Variants in ACBD7 observed in about 807,000 individuals in gnomAD.
The protein encoded by ACBD7 is acyl-CoA binding domain containing 7, also known as acyl-CoA-binding domain-containing protein 7.
A neutral mutation model predicts 13.7 loss-of-function variants in ACBD7; 11 were observed. The ratio of observed to expected loss-of-function variants is 0.80; its 90% CI spans 0.50 to 1.33. ACBD7 has a LOEUF of 1.33. Ranked by LOEUF, ACBD7 falls within the 40% of genes most tolerant of loss-of-function variation. The pLI is 0.00. For missense variants in ACBD7, 111 were observed against 103.0 expected, an observed-to-expected ratio of 1.08 and a Z score of -0.33; for synonymous variants, 43 against 37.7, an observed-to-expected ratio of 1.14 and a Z score of -0.51.
chr10:15,081,052 G>C (rs1273189965), intron 1 of ACBD7, among the ~76,000 whole-genome samples: 5 of 152,174 alleles, frequency 3.3e-5, no homozygotes, highest in Admixed American at 3.3e-4. Context: ...CGGGCTCAGC[G>C]GAGTGGCAGG....
chr10:15,076,009 G>T lies in ACBD7; in HGVS notation c.*2521C>A. On this transcript the variant is annotated 3_prime_UTR_variant, in exon 4 of 4. Coordinates refer to ENST00000356189, the MANE Select transcript of ACBD7 (RefSeq NM_001039844.3). ...AAAAAAAAAAAAAAGAAAAGAAAAAGAATGTTATATAAATGGAATTATACA... is the reference window on the plus strand; with the variant it reads ...AAAAAAAAAAAAAAGAAAAGAAAAATAATGTTATATAAATGGAATTATACA... 8.7e-3 allele frequency: 3,247 copies of T among 372,036 alleles called. No homozygotes were observed. Among genetic ancestry groups the T allele is most frequent in the Non-Finnish European group, 0.011 (3,040 of 270,714 alleles). The allele number at this position is 372,036 out of a possible 1,614,324, so 23.0% of individuals were successfully genotyped here. A position where few individuals can be genotyped will look rare whatever the true frequency, so the allele number is the denominator to read the frequency against.
chr10:15,076,581 C>T lies in ACBD7; in HGVS notation c.*1949G>A, dbSNP rs920489822. 2.8e-6 allele frequency: 2 copies of T among 702,872 alleles called. No homozygotes were observed. The highest frequency in any genetic ancestry group is 1.3e-4 in the Admixed American group (2 of 15,670). The allele number at this position is 702,872 out of a possible 1,614,324, so 43.5% of individuals were successfully genotyped here. A position where few individuals can be genotyped will look rare whatever the true frequency, so the allele number is the denominator to read the frequency against. ...GCAGTGGTGTGATCTTGGCTCACTG[C>T]AACCTCCATCTCCTGGGTAAAAGCA... On this transcript the variant is annotated 3_prime_UTR_variant, in exon 4 of 4. Transcript: ENST00000356189.
chr10:15,087,514 C>T (rs573818512), intron 1 of ACBD7, among the ~76,000 whole-genome samples: 6 of 152,004 alleles, frequency 3.9e-5, no homozygotes, highest in South Asian at 2.1e-4. Flanking sequence ...TGGTGGCTCA[C>T]GCCTGAAATC....
intron 1 of ACBD7, 121 bp from the exon 2 acceptor site, chr10:15,079,161 G>A (rs1844719764): frequency 4.1e-6 from 2 of 488,960 alleles, no homozygotes; most frequent in African/African-American, 2.0e-5. Context: ...GGTTCTATCA[G>A]AATCATCTTA....
At chr10:15,088,616 C>T (rs1001659576) in intron 1 of ACBD7, 101 bp downstream of exon 1, 64 of 1,476,708 alleles carry the variant, frequency 4.3e-5, no homozygotes, top group Admixed American at 3.1e-4. Context: ...CCCCGGGTCA[C>T]CGCCGACCGC....
rs1226431353 is a variant in ACBD7, at chr10:15,076,579, T to C, written c.*1951A>G. On this transcript the variant is annotated 3_prime_UTR_variant, in exon 4 of 4. Transcript: ENST00000356189. ...GTGCAGTGGTGTGATCTTGGCTCAC[T>C]GCAACCTCCATCTCCTGGGTAAAAG... 3 of 720,494 alleles carry C rather than the reference T, an allele frequency of 4.2e-6. No homozygotes were observed. Among genetic ancestry groups the C allele is most frequent in the Non-Finnish European group, 5.1e-6 (3 of 588,962 alleles). 44.6% of individuals were successfully genotyped at this position (720,494 alleles called of 1,614,324 possible).
chr10:15,077,302 T>C lies in ACBD7; in HGVS notation c.*1228A>G, dbSNP rs999760325. Among the ~76,000 whole-genome samples, 2 of 152,022 alleles carry C rather than the reference T, an allele frequency of 1.3e-5. No individual in the cohort carries two copies. Among genetic ancestry groups the C allele is most frequent in the Non-Finnish European group, 2.9e-5 (2 of 68,020 alleles). On this transcript the variant is annotated 3_prime_UTR_variant, in exon 4 of 4. Coordinates refer to ENST00000356189, the MANE Select transcript of ACBD7 (RefSeq NM_001039844.3). ...GCTTTTGCAGCAACGTGGGTGGAACTGGAGGCTATTATCTTAAGTGAAACA... is the reference window on the plus strand; with the variant it reads ...GCTTTTGCAGCAACGTGGGTGGAACCGGAGGCTATTATCTTAAGTGAAACA...
chr10:15,088,170 C>A (rs1007343123), intron 1 of ACBD7: 3 of 153,006 alleles, frequency 2.0e-5, no homozygotes, highest in African/African-American at 7.2e-5. Context: ...CTAGGACATA[C>A]TAGGAATTAC....
chr10:15,079,078 T>C (rs774879871), intron 1 of ACBD7, 38 bp from the exon 2 acceptor site: 153 of 1,445,780 alleles, frequency 1.1e-4, no homozygotes, highest in Non-Finnish European at 1.4e-4. Flanking sequence ...AAGGAGCATT[T>C]TACCACCAAG....
intron 1 of ACBD7, among the ~76,000 whole-genome samples, chr10:15,085,646 A>G (rs1313404682): frequency 6.6e-6 from 1 of 152,250 alleles, no homozygotes; most frequent in African/African-American, 2.4e-5. Flanking sequence ...CATATTCTAG[A>G]GGAAGAAGTC....
In ACBD7 at chr10:15,076,718, G is replaced by C. The variant is rs756361214; in HGVS notation, c.*1812C>G. 4.6e-6 allele frequency: 4 copies of C among 878,512 alleles called. No homozygotes were observed. The highest frequency in any genetic ancestry group is 5.5e-6 in the Non-Finnish European group (4 of 733,028). 54.4% of individuals were successfully genotyped at this position (878,512 alleles called of 1,614,324 possible). On this transcript the variant is annotated 3_prime_UTR_variant, in exon 4 of 4. Coordinates refer to ENST00000356189, the MANE Select transcript of ACBD7 (RefSeq NM_001039844.3). ...GGGGTTTTGCAATGTTGGTCAGGCT[G>C]GTCTCGAACTTCTGACCTCAGTAAT...
rs1002540519 is a variant in ACBD7 at position 15,077,351 on chromosome 10, A to C, written c.*1179T>G. ...CAACTCAGAAAAAAATAAGAAAATA[A>C]AGATTTTTAAAGAACCCTCAGAAAC... is the stretch of plus-strand genomic sequence containing the variant. On this transcript the variant is annotated 3_prime_UTR_variant, in exon 4 of 4. Transcript: ENST00000356189. Among the ~76,000 whole-genome samples, 3 of 152,110 alleles carry C rather than the reference A, an allele frequency of 2.0e-5. No individual in the cohort carries two copies. The highest frequency in any genetic ancestry group is 6.6e-5 in the Admixed American group (1 of 15,262).
At chr10:15,079,064 A>C (rs770536536) in intron 1 of ACBD7, 24 bp from the exon 2 acceptor site, 1 of 1,546,258 alleles carries the variant, frequency 6.5e-7, no homozygotes, top group Admixed American at 1.8e-5. Context: ...AAACAAACAA[A>C]CAAAAGGAGC....
rs1205859358 is a variant in ACBD7, at chr10:15,088,712, G to T, written c.12+5C>A. 2 of 1,597,592 alleles carry T rather than the reference G, an allele frequency of 1.3e-6. No homozygotes were observed. The highest frequency in any genetic ancestry group is 2.3e-5 in the East Asian group (1 of 43,304). ...TCCCGCGTGGCCTCCCCGCGCCCCG[G>T]GTACCTGCAGGGCCATGGTGGCGGC... On this transcript the variant is annotated splice_donor_5th_base_variant and intron_variant, in intron 1 of 3. Coordinates refer to ENST00000356189, the MANE Select transcript of ACBD7 (RefSeq NM_001039844.3).
At chr10:15,079,091 A>G (rs750706877) in intron 1 of ACBD7, 51 bp from the exon 2 acceptor site, 2 of 1,273,984 alleles carry the variant, frequency 1.6e-6, no homozygotes, top group Middle Eastern at 3.8e-4. Context: ...CCACCAAGGA[A>G]TAGGAACTCA....
At chr10:15,081,816 A>G (rs538213238) in intron 1 of ACBD7, among the ~76,000 whole-genome samples, 341 of 152,328 alleles carry the variant, frequency 2.2e-3, no homozygotes, top group Non-Finnish European at 3.1e-3. Flanking sequence ...AACGTGGCCC[A>G]TCCTCCTACC....
At chr10:15,079,611 C>T (rs1022421512) in intron 1 of ACBD7, among the ~76,000 whole-genome samples, 1 of 151,208 alleles carries the variant, frequency 6.6e-6, no homozygotes, top group Non-Finnish European at 1.5e-5. Flanking sequence ...CTGAGTCTCA[C>T]TCTGTTGCCC....
rs1353527477 is a variant in ACBD7 at position 15,076,489 on chromosome 10, T to C, written c.*2041A>G. ...CTTTTTAAATTTCTTTAAACTGCTA[T>C]GGACAGACTTGTAATTTTTTTTTTT... On this transcript the variant is annotated 3_prime_UTR_variant, in exon 4 of 4. Transcript: ENST00000356189. 3 of 943,080 alleles carry C rather than the reference T, an allele frequency of 3.2e-6. No homozygotes were observed. The highest frequency in any genetic ancestry group is 1.2e-4 in the East Asian group (1 of 8,236). 58.4% of individuals were successfully genotyped at this position (943,080 alleles called of 1,614,324 possible). A position where few individuals can be genotyped will look rare whatever the true frequency, so the allele number is the denominator to read the frequency against.
chr10:15,086,453 T>C (rs1352787215), intron 1 of ACBD7, among the ~76,000 whole-genome samples: 1 of 152,242 alleles, frequency 6.6e-6, no homozygotes, highest in East Asian at 1.9e-4. Flanking sequence ...GCAAGTATTT[T>C]AAAAGCAAAC....
Sources: gnomAD v4.1 joint callset for allele counts (sites outside exome capture counted in the v4.1 genomes callset) on GRCh38, gnomAD v4.1.1 for gene constraint, MANE v1.5 for transcripts, NCBI Gene and HGNC (gene_info 2026-07-23, HGNC 2026-07-21) for gene names.